Variants in ANKRD27 observed in about 807,000 individuals in gnomAD.
ANKRD27 encodes the protein ankyrin repeat domain 27, also known as ankyrin repeat domain-containing protein 27.
Under a neutral mutation model 129.7 loss-of-function variants are expected in ANKRD27, and 112 were observed. The observed-to-expected ratio is 0.86, with a 90% CI of 0.74 to 1.01. ANKRD27 has a LOEUF of 1.01. Ranked by LOEUF, ANKRD27 falls within the 50% of genes least tolerant of loss-of-function variation. The pLI, the probability that ANKRD27 is intolerant of heterozygous loss-of-function variation, is 0.00. For synonymous variants in ANKRD27, 516 were observed against 511.2 expected (o/e 1.01, Z -0.13); for missense variants, 1,258 against 1,300.5 (o/e 0.97, Z 0.50).
intron 3 of ANKRD27, among the ~76,000 whole-genome samples, chr19:32,648,517 C>T (rs1349106897): frequency 6.6e-6 from 1 of 152,180 alleles, no homozygotes; most frequent in Admixed American, 6.5e-5. Flanking sequence ...TCAAAAGATT[C>T]AGGCCAGGCG....
chr19:32,653,201 A>G (rs34131970), intron 2 of ANKRD27, among the ~76,000 whole-genome samples: 5,642 of 152,142 alleles, frequency 0.037, 140 homozygotes, highest in East Asian at 0.12. Context: ...GGAAGCATCT[A>G]TACTAAATAA....
intron 12 of ANKRD27, chr19:32,637,709 CA>C (rs1568409781): frequency 6.6e-6 from 1 of 152,352 alleles, no homozygotes; most frequent in Non-Finnish European, 1.5e-5. Flanking sequence ...GCTCTGGATC[CA>C]GGAATCTCTG....
rs1297009924 is a variant in ANKRD27 at position 32,598,121 on chromosome 19, G to A, written c.*24C>T. 8.1e-6 allele frequency: 13 copies of A among 1,600,124 alleles called. No homozygotes were observed. Among genetic ancestry groups the A allele is most frequent in the South Asian group, 1.1e-5 (1 of 90,844 alleles). On this transcript the variant is annotated 3_prime_UTR_variant, in exon 29 of 29. Transcript: ENST00000306065. ...TGTTGCATCCTTGCTTCCTAGCAGT[G>A]GGTTCAACAACTCCTCATTCCTGTT...
intron 18 of ANKRD27, among the ~76,000 whole-genome samples, chr19:32,621,029 C>T (rs151035386): frequency 2.6e-5 from 4 of 151,972 alleles, no homozygotes; most frequent in African/African-American, 9.7e-5. Flanking sequence ...TGACTATATA[C>T]AGCTTTCTGT....
chr19:32,619,233 C>T (rs773001421), intron 20 of ANKRD27, 27 bp downstream of exon 20: 11 of 1,600,230 alleles, frequency 6.9e-6, no homozygotes, highest in South Asian at 1.1e-5. Flanking sequence ...GGCCTCCCCT[C>T]CCCAGCCCTT....
rs764865487 is a variant in ANKRD27, at chr19:32,605,930, T to C, written c.2398A>G (p.Asn800Asp). The C allele has an allele frequency of 1.2e-6, 2 of 1,613,848 alleles. No individual in the cohort carries two copies. The highest frequency in any genetic ancestry group is 2.2e-5 in the East Asian group (1 of 44,864). The stretch of plus-strand genomic sequence containing the variant: ...AGGTCCTTCTTATTGGGTTTTGCAT[T>C]CGAATCTAACAGACACTTCACCACC... Reference protein sequence around the residue: ...FQVVKCLLDSNAKPNKKDLSG... With the variant: ...FQVVKCLLDSDAKPNKKDLSG... The change falls in exon 24 of 29, where the codon AAT (asparagine) becomes GAT (aspartate). Residue 800 changes from asparagine to aspartate, a missense_variant. Transcript: ENST00000306065.
At chr19:32,636,721 C>CTA (rs376200543) in intron 12 of ANKRD27, among the ~76,000 whole-genome samples, 1,680 of 147,168 alleles carry the variant, frequency 0.011, 39 homozygotes, top group Non-Finnish European at 0.011. Flanking sequence ...CTCTCTCTCT[C>CTA]TCTATATATA....
intron 23 of ANKRD27, among the ~76,000 whole-genome samples, chr19:32,606,175 CAG>C (rs1272086277): frequency 1.6e-5 from 2 of 128,622 alleles, no homozygotes; most frequent in Non-Finnish European, 3.2e-5. Context: ...TTTTTCCAGA[CAG>C]AGTCTCGCTC....
At chr19:32,629,874 A>C (rs1162542895) in intron 13 of ANKRD27, among the ~76,000 whole-genome samples, 2 of 134,392 alleles carry the variant, frequency 1.5e-5, no homozygotes, top group East Asian at 4.3e-4. Context: ...TTTTCAGTGA[A>C]TCCCTACAGG....
chr19:32,617,203 C>T (rs894565934), intron 21 of ANKRD27, among the ~76,000 whole-genome samples: 1 of 152,118 alleles, frequency 6.6e-6, no homozygotes, highest in Non-Finnish European at 1.5e-5. Context: ...AGACAAGAAA[C>T]ACAGGTGGGT....
chr19:32,667,365 T>G (rs1967779886), intron 1 of ANKRD27, among the ~76,000 whole-genome samples: 1 of 152,258 alleles, frequency 6.6e-6, no homozygotes, highest in African/African-American at 2.4e-5. Context: ...AAATGTATTT[T>G]CCTTTCTGTT....
At chr19:32,608,005 CT>C (rs35228145) in intron 22 of ANKRD27, among the ~76,000 whole-genome samples, 173 bp from the exon 23 acceptor site, 94 of 143,404 alleles carry the variant, frequency 6.6e-4, no homozygotes, top group Admixed American at 9.1e-4. Context: ...AAACAACTTC[CT>C]TTTTTTTTTT....
intron 18 of ANKRD27, among the ~76,000 whole-genome samples, chr19:32,620,658 G>A (rs954497669): frequency 4.6e-5 from 7 of 151,812 alleles, no homozygotes; most frequent in Admixed American, 1.3e-4. Flanking sequence ...GGGCCAAGGC[G>A]GGCAGATCAC....
At chr19:32,669,191 C>G (rs1225958196) in intron 1 of ANKRD27, among the ~76,000 whole-genome samples, 7 of 152,148 alleles carry the variant, frequency 4.6e-5, no homozygotes. Context: ...TTCCCCAGGT[C>G]CAGCCAGAAC....
intron 11 of ANKRD27, among the ~76,000 whole-genome samples, chr19:32,639,825 A>ATG (rs1967161800): frequency 6.6e-6 from 1 of 152,208 alleles, no homozygotes; most frequent in Admixed American, 6.5e-5. Flanking sequence ...CAAGAAATGT[A>ATG]AGCTCTCCGG....
At chr19:32,633,562 G>C (rs1967038731) in intron 12 of ANKRD27, among the ~76,000 whole-genome samples, 2 of 151,592 alleles carry the variant, frequency 1.3e-5, no homozygotes, top group Admixed American at 6.6e-5. Flanking sequence ...GGCCTCAGGT[G>C]ATCCTCCTGC....
At chr19:32,645,402 C>T (rs1967283324) in intron 4 of ANKRD27, among the ~76,000 whole-genome samples, 1 of 151,824 alleles carries the variant, frequency 6.6e-6, no homozygotes, top group Non-Finnish European at 1.5e-5. Flanking sequence ...CAGAGCAAGA[C>T]TCCATCTCAA....
chr19:32,668,545 T>C (rs1360835561), intron 1 of ANKRD27, among the ~76,000 whole-genome samples: 1 of 150,196 alleles, frequency 6.7e-6, no homozygotes, highest in Admixed American at 6.7e-5. Flanking sequence ...CAATCACAGC[T>C]CACTACAGCC....
rs776803612 is a variant in ANKRD27 at position 32,625,892 on chromosome 19, G to A, written c.1611C>T (p.Cys537=). The A allele has an allele frequency of 1.9e-6, 3 of 1,607,612 alleles. No homozygotes were observed. The highest frequency in any genetic ancestry group is 2.5e-6 in the Non-Finnish European group (3 of 1,177,822). ...CACTCACGTCCTCGTGGCCGTAGGT[G>A]CAGGCCAGGTGGAGTGGCGTATTCC... The part of the protein sequence containing the change: ...NNGNTPLHLA[C]TYGHEDCVKA... The change falls in exon 17 of 29, where the codon TGC becomes TGT. Residue 537 remains cysteine, a synonymous_variant. Coordinates refer to ENST00000306065, the MANE Select transcript of ANKRD27 (RefSeq NM_032139.3).
Sources: gnomAD v4.1 joint callset for allele counts (sites outside exome capture counted in the v4.1 genomes callset) on GRCh38, gnomAD v4.1.1 for gene constraint, MANE v1.5 for transcripts, NCBI Gene and HGNC (gene_info 2026-07-23, HGNC 2026-07-21) for gene names.